RYR1: variants seen among roughly 807,000 people sequenced by gnomAD.
The protein encoded by RYR1 is ryanodine receptor 1, also known as central core disease of muscle.
In RYR1, 342 loss-of-function variants were observed where a neutral mutation model predicts 583.5. That is an observed-to-expected ratio of 0.59 (90% CI 0.54 to 0.64). The LOEUF is 0.64. RYR1 is among the 30% of genes least tolerant of loss of function. The pLI is 0.00. For missense variants in RYR1, 6,032 were observed against 6,917.2 expected (o/e 0.87, Z 4.54); for synonymous variants, 2,791 against 2,822.5 (o/e 0.99, Z 0.35).
chr19:38,497,061 G>C, intron 42 of RYR1, 107 bp downstream of exon 42: 1 of 923,456 alleles, frequency 1.1e-6, no homozygotes, highest in South Asian at 1.4e-5. Context: ...GGCAATTCTG[G>C]ATGGTCCAGT....
At chr19:38,586,445 A>T (rs1298442919) in intron 104 of RYR1, 80 bp from the exon 105 acceptor site, 1 of 1,441,522 alleles carries the variant, frequency 6.9e-7, no homozygotes. Flanking sequence ...ACATAGCAAG[A>T]CTTCCTCTCT....
chr19:38,436,544 C>T (rs1002146274), intron 1 of RYR1, among the ~76,000 whole-genome samples: 1 of 152,144 alleles, frequency 6.6e-6, no homozygotes, highest in Non-Finnish European at 1.5e-5. Flanking sequence ...TTTTGACATT[C>T]ATCCATGTAG....
In RYR1 at chr19:38,506,909, G is replaced by T. The variant is rs2145638522; in HGVS notation, c.8773G>T (p.Glu2925Ter). Reference sequence around the variant, plus strand: ...GGCACGAGATCGAGAGAAGGCCCAGGAGCTACTGAAATTCCTGCAGATGAA... The same window carrying T: ...GGCACGAGATCGAGAGAAGGCCCAGTAGCTACTGAAATTCCTGCAGATGAA... ...EKARDREKAQ[E>*]LLKFLQMNGY... Residue 2925 changes from glutamate (E) to a stop codon, truncating the protein, a stop_gained, in exon 57 of 106, where the codon GAG (glutamate) becomes TAG (stop). Coordinates refer to ENST00000359596, the MANE Select transcript of RYR1 (RefSeq NM_000540.3). LOFTEE classifies it high-confidence loss of function. The T allele has an allele frequency of 6.2e-7, 1 of 1,613,266 alleles. No homozygotes were observed. The highest frequency in any genetic ancestry group is 8.5e-7 in the Non-Finnish European group (1 of 1,180,036).
chr19:38,562,505 C>T (rs547101462), intron 90 of RYR1, among the ~76,000 whole-genome samples: 2 of 152,242 alleles, frequency 1.3e-5, no homozygotes, highest in South Asian at 4.1e-4. Context: ...CACACATAGC[C>T]CGGGAGGTTT....
At chr19:38,545,195 CTA>C (rs1368203857) in intron 87 of RYR1, among the ~76,000 whole-genome samples, 11 of 152,256 alleles carry the variant, frequency 7.2e-5, no homozygotes, top group Middle Eastern at 3.4e-3. Flanking sequence ...ATATACCCAC[CTA>C]TAGAACCAGG....
intron 34 of RYR1, among the ~76,000 whole-genome samples, 171 bp downstream of exon 34, chr19:38,486,373 T>C (rs1471432726): frequency 6.6e-6 from 1 of 151,576 alleles, no homozygotes; most frequent in Non-Finnish European, 1.5e-5. Context: ...CGAGACGGAG[T>C]CTCACTGTCG....
chr19:38,499,173 A>C lies in RYR1; in HGVS notation c.6957A>C (p.Pro2319=). Residue 2319 remains proline, a synonymous_variant, in exon 43 of 106, where the codon CCA becomes CCC. Transcript: ENST00000359596. The surrounding 1 kb of genome is among the most constrained non-coding windows in gnomAD (Gnocchi z 7.3). ...SCPMLVAKGY[P]DIGWNPCGGE... Reference sequence around the variant, plus strand: ...CCATGCTTGTGGCCAAAGGGTACCCAGACATTGGCTGGAACCCCTGTGGTG... The same window carrying C: ...CCATGCTTGTGGCCAAAGGGTACCCCGACATTGGCTGGAACCCCTGTGGTG... 3 of 1,614,208 alleles carry C rather than the reference A, an allele frequency of 1.9e-6. No individual in the cohort carries two copies. The highest frequency in any genetic ancestry group is 2.5e-6 in the Non-Finnish European group (3 of 1,180,038).
chr19:38,486,735 A>T (rs989655371), intron 34 of RYR1, among the ~76,000 whole-genome samples: 4 of 151,796 alleles, frequency 2.6e-5, no homozygotes, highest in Non-Finnish European at 5.9e-5. Flanking sequence ...ATGTTTATTC[A>T]TCTCTTCTTT....
rs1445407200 is a variant in RYR1 at position 38,490,639 on chromosome 19, T to C, written c.6034T>C (p.Phe2012Leu). The C allele has an allele frequency of 1.2e-6, 2 of 1,611,640 alleles. No individual in the cohort carries two copies. The highest frequency in any genetic ancestry group is 1.7e-6 in the Non-Finnish European group (2 of 1,177,840). Residue 2012 changes from phenylalanine (F) to leucine (L), a missense_variant, in exon 37 of 106, where the codon TTC becomes CTC. Transcript: ENST00000359596. Reference protein sequence around the residue: ...PQEQINMLLQFKDGTDEEDCP... With the variant: ...PQEQINMLLQLKDGTDEEDCP... ...CCCCTAGATCAATATGCTATTGCAA[T>C]TCAAAGATGGTACAGATGAGGAAGA...
rs368511504 is a variant in RYR1 at position 38,535,972 on chromosome 19, C to G, written c.11517-25C>G. On this transcript the variant is annotated intron_variant, in intron 81 of 105. Transcript: ENST00000359596. ...AGGGCAGAGGCTTCATCACATACCC[C>G]CTATCTTTCCTTTCTTTTCCTCAGC... The G allele has an allele frequency of 2.0e-5, 32 of 1,609,452 alleles. No homozygotes were observed. The South Asian group carries it at 2.2e-4, about 11-fold the overall frequency.
chr19:38,451,822 A>T lies in RYR1; in HGVS notation c.1181A>T (p.Gln394Leu). 1 of 1,614,152 alleles carries T rather than the reference A, an allele frequency of 6.2e-7. No individual in the cohort carries two copies. Among genetic ancestry groups the T allele is most frequent in the Non-Finnish European group, 8.5e-7 (1 of 1,180,008 alleles). ...GCACTGTCGCTGACCCGCTGCCAGCAGGAGGAGTCCCAGGCCGCCCGCATG... is the reference window on the plus strand; with the variant it reads ...GCACTGTCGCTGACCCGCTGCCAGCTGGAGGAGTCCCAGGCCGCCCGCATG... ...DDALSLTRCQ[Q>L]EESQAARMIH... Residue 394 changes from glutamine (Q) to leucine (L), a missense_variant, in exon 12 of 106, where the codon CAG becomes CTG. Gln to Leu is a moderately radical substitution (Grantham distance 113). Around this residue, in one of 11 missense-constraint regions of RYR1, gnomAD observed 338 missense variants for 441.6 expected, o/e 0.77. Coordinates refer to ENST00000359596, the MANE Select transcript of RYR1 (RefSeq NM_000540.3).
chr19:38,580,280 G>C, intron 100 of RYR1, 90 bp from the exon 101 acceptor site: 1 of 1,594,380 alleles, frequency 6.3e-7, no homozygotes, highest in Non-Finnish European at 8.5e-7. Context: ...TAGAGCCACA[G>C]GGACTGAACC....
intron 67 of RYR1, among the ~76,000 whole-genome samples, chr19:38,520,127 G>C (rs1202595158): frequency 6.7e-6 from 1 of 148,572 alleles, no homozygotes; most frequent in Non-Finnish European, 1.5e-5. Context: ...CCAGGCTGGA[G>C]TGCTGTGGCA....
At position 38,475,872 on chromosome 19, in the gene RYR1, TAGAC is replaced by T. The variant is rs56905457; in HGVS notation, c.4293+429_4293+432del. Reference sequence around the variant, plus strand: ...ATTTCCCCAAATCCAAAATATTTCATAGACAGACAGCCTAGTGCAGTGCTCCCCA... The same window carrying T: ...ATTTCCCCAAATCCAAAATATTTCATAGACAGCCTAGTGCAGTGCTCCCCA... On this transcript the variant is annotated intron_variant, in intron 29 of 105. Transcript: ENST00000359596. Among the ~76,000 whole-genome samples the T allele has an allele frequency of 5.3e-3, 805 of 152,356 alleles. 3 individuals are homozygous for T. Among genetic ancestry groups the T allele is most frequent in the African/African-American group, 0.018 (752 of 41,578 alleles).
chr19:38,478,750 T>G, intron 31 of RYR1, 150 bp downstream of exon 31: 1 of 836,624 alleles, frequency 1.2e-6, no homozygotes, highest in South Asian at 1.5e-5. Flanking sequence ...ACCACCTTGT[T>G]GAAACTTCCA....
chr19:38,494,243 T>C (rs1230795550), intron 38 of RYR1, 109 bp from the exon 39 acceptor site: 8 of 1,333,002 alleles, frequency 6.0e-6, no homozygotes, highest in Non-Finnish European at 8.5e-6. Flanking sequence ...TGGTAGTAAC[T>C]GGGAAAACTT....
At chr19:38,515,191 A>C (rs1402016502) in intron 64 of RYR1, 84 bp downstream of exon 64, 3 of 1,030,288 alleles carry the variant, frequency 2.9e-6, no homozygotes, top group African/African-American at 1.6e-5. Context: ...GGTGGGTGAA[A>C]AGCAGGGTAG....
rs779727096 is a variant in RYR1, at chr19:38,473,618, G to A, written c.4007G>A (p.Arg1336His). 9.6e-6 allele frequency: 15 copies of A among 1,567,530 alleles called. No homozygotes were observed. The East Asian group carries it at 2.6e-4, about 27-fold the overall frequency. Reference sequence around the variant, plus strand: ...GACCCTGACTACGAAAACCTGCGCCGCTCAGCTGGGGGCTGGAGCGAGGCA... The same window carrying A: ...GACCCTGACTACGAAAACCTGCGCCACTCAGCTGGGGGCTGGAGCGAGGCA... ...EPDPDYENLR[R>H]SAGGWSEAEN... is the part of the protein sequence containing the mutation. Residue 1336 changes from arginine (R) to histidine (H), a missense_variant, in exon 28 of 106, where the codon CGC becomes CAC. By Grantham distance (29) the Arg-to-His change is conservative. This residue lies in a region of RYR1 where 2,627 missense variants were observed against 2,961.3 expected (regional missense o/e 0.89). Coordinates refer to ENST00000359596, the MANE Select transcript of RYR1 (RefSeq NM_000540.3).
rs79979084 is a variant in RYR1, at chr19:38,582,005, C to T, written c.14646+1501C>T. ...GTGATTTTGGGGCAGGCTACTCAAC[C>T]TCCTCCCTATGCCCTGGGGGCCTCA... is the stretch of plus-strand genomic sequence containing the variant. On this transcript the variant is annotated intron_variant, in intron 101 of 105. Transcript: ENST00000359596. Among the ~76,000 whole-genome samples the T allele has an allele frequency of 7.6e-3, 1,150 of 152,298 alleles. 30 individuals are homozygous for T. Among genetic ancestry groups the T allele is most frequent in the East Asian group, 0.053 (275 of 5,182 alleles).
Sources: allele counts gnomAD v4.1 joint callset (sites outside exome capture counted in the v4.1 genomes callset), GRCh38; gene constraint gnomAD v4.1.1; regional missense constraint gnomAD v4.1.1; non-coding constraint Gnocchi (gnomAD v3.1); transcripts MANE v1.5; gene names NCBI Gene and HGNC (gene_info 2026-07-23, HGNC 2026-07-21).